The following UBE2F variants were observed in gnomAD, a reference collection of about 807,000 sequenced individuals.
UBE2F encodes the protein NEDD8-conjugating enzyme UBE2F.
UBE2F carries 5 observed loss-of-function variants against 29.6 expected under a neutral mutation model. The observed-to-expected ratio is 0.17, with a 90% CI of 0.09 to 0.36. UBE2F has a LOEUF of 0.36. Among genes scored for constraint, UBE2F ranks in the 10% least tolerant of loss-of-function variants. The pLI is 1.00. For synonymous variants in UBE2F, 66 were observed against 81.8 expected, an observed-to-expected ratio of 0.81 and a Z score of 1.04; for missense variants, 141 against 228.5, an observed-to-expected ratio of 0.62 and a Z score of 2.47.
At chr2:237,990,414 T>G (rs967856517) in intron 3 of UBE2F, 15 of 458,596 alleles carry the variant, frequency 3.3e-5, no homozygotes, top group Non-Finnish European at 6.2e-5. Context: ...TTTTTTTTTT[T>G]TTTTAATAGA....
intron 4 of UBE2F, among the ~76,000 whole-genome samples, chr2:238,006,960 T>C (rs1417409974): frequency 6.6e-6 from 1 of 152,138 alleles, no homozygotes; most frequent in Non-Finnish European, 1.5e-5. Context: ...TTCACCATGT[T>C]GGTCAGGCTG....
chr2:237,967,023 C>A lies in UBE2F; in HGVS notation c.-126C>A. On this transcript the variant is annotated 5_prime_UTR_variant, in exon 1 of 10. Transcript: ENST00000272930. The surrounding 1 kb of genome is among the most constrained non-coding windows in gnomAD (Gnocchi z 6.3). ...GAGTCCCCGCCCCGCCACTTCCGGT[C>A]CCGCCGCCGGGAGCCGGTGCGGCTG... 1 of 1,272,996 alleles carries A rather than the reference C, an allele frequency of 7.9e-7. No homozygotes were observed. The highest frequency in any genetic ancestry group is 2.2e-5 in the South Asian group (1 of 45,822). The allele number at this position is 1,272,996 out of a possible 1,614,324, so 78.9% of individuals were successfully genotyped here. A position where few individuals can be genotyped will look rare whatever the true frequency, so the allele number is the denominator to read the frequency against.
At chr2:238,036,009 T>C in intron 9 of UBE2F, 69 bp downstream of exon 9, 1 of 1,391,850 alleles carries the variant, frequency 7.2e-7, no homozygotes, top group Non-Finnish European at 1.0e-6. Context: ...TGTCTCTTGA[T>C]TGGATAAATG....
intron 6 of UBE2F, among the ~76,000 whole-genome samples, chr2:238,026,900 T>C (rs1333667437): frequency 2.0e-5 from 3 of 152,236 alleles, no homozygotes; most frequent in African/African-American, 2.4e-5. Flanking sequence ...ATCTGTCCTT[T>C]ACGTATTGAA....
intron 4 of UBE2F, among the ~76,000 whole-genome samples, chr2:238,005,343 C>A (rs912233928): frequency 1.3e-5 from 2 of 152,092 alleles, no homozygotes; most frequent in Admixed American, 1.3e-4. Flanking sequence ...ACCACAGGAA[C>A]ATGCTACCAC....
At chr2:237,998,096 G>T (rs1227435357) in intron 4 of UBE2F, among the ~76,000 whole-genome samples, 1 of 152,038 alleles carries the variant, frequency 6.6e-6, no homozygotes, top group Non-Finnish European at 1.5e-5. Context: ...AGGGAACATG[G>T]CTTTAAGTAA....
chr2:237,992,773 T>C (rs1232684621), intron 3 of UBE2F, among the ~76,000 whole-genome samples: 1 of 152,214 alleles, frequency 6.6e-6, no homozygotes. Context: ...ATTGAGGACG[T>C]TGGACTAGAT....
At chr2:238,026,154 C>T (rs527322673) in intron 6 of UBE2F, among the ~76,000 whole-genome samples, 16 of 152,340 alleles carry the variant, frequency 1.1e-4, no homozygotes, top group African/African-American at 3.6e-4. Context: ...TCGCCGCCCC[C>T]GCCCCCACCC....
At chr2:237,989,127 TG>T (rs1410834289) in intron 3 of UBE2F, among the ~76,000 whole-genome samples, 1 of 152,202 alleles carries the variant, frequency 6.6e-6, no homozygotes, top group Non-Finnish European at 1.5e-5. Flanking sequence ...AAATTAGTTC[TG>T]GGGCTGAGGA....
chr2:238,036,376 C>T (rs917864312), intron 9 of UBE2F, among the ~76,000 whole-genome samples: 2 of 152,050 alleles, frequency 1.3e-5, no homozygotes, highest in East Asian at 3.9e-4. Flanking sequence ...GATGGAGTCT[C>T]GCTTTGTTGC....
intron 2 of UBE2F, among the ~76,000 whole-genome samples, chr2:237,975,541 C>CT (rs1193335557): frequency 1.3e-5 from 2 of 152,212 alleles, no homozygotes; most frequent in Non-Finnish European, 2.9e-5. Context: ...CCTGAAGAAT[C>CT]TAACAGCAGA....
chr2:238,039,743 AGCATGGAGCCTGCTGCAG>A (rs1199881389), intron 9 of UBE2F, among the ~76,000 whole-genome samples: 1 of 152,140 alleles, frequency 6.6e-6, no homozygotes, highest in Non-Finnish European at 1.5e-5. Context: ...GGCCTGCTGG[AGCATGGAGCCTGCTGCAG>A]GCATGGACGC....
chr2:238,004,710 A>G (rs764372241), intron 4 of UBE2F, among the ~76,000 whole-genome samples: 10 of 152,148 alleles, frequency 6.6e-5, no homozygotes, highest in South Asian at 4.2e-4. Flanking sequence ...TAAGATTGCT[A>G]GTCATCTGAT....
At chr2:237,996,656 A>G (rs2063699023) in intron 4 of UBE2F, among the ~76,000 whole-genome samples, 1 of 152,000 alleles carries the variant, frequency 6.6e-6, no homozygotes, top group South Asian at 2.1e-4. Flanking sequence ...TTGTATTTTT[A>G]GTAGAGATGG....
intron 4 of UBE2F, among the ~76,000 whole-genome samples, chr2:238,011,563 A>G (rs973764388): frequency 7.2e-5 from 11 of 152,262 alleles, no homozygotes; most frequent in African/African-American, 2.4e-4. Flanking sequence ...CTCATCAACT[A>G]TTTGTGTAAT....
intron 4 of UBE2F, among the ~76,000 whole-genome samples, chr2:238,012,010 C>G (rs1310206601): frequency 1.3e-5 from 2 of 150,626 alleles, no homozygotes; most frequent in Admixed American, 6.6e-5. Flanking sequence ...TCCTAAGTAG[C>G]TGGGACTACA....
At chr2:237,972,485 C>T (rs1455578988) in intron 1 of UBE2F, among the ~76,000 whole-genome samples, 1 of 151,892 alleles carries the variant, frequency 6.6e-6, no homozygotes, top group African/African-American at 2.4e-5. Context: ...GTCACAACCA[C>T]ATCCCAGGAC....
intron 4 of UBE2F, among the ~76,000 whole-genome samples, chr2:238,011,055 C>A (rs1046760511): frequency 2.0e-5 from 3 of 152,294 alleles, no homozygotes; most frequent in African/African-American, 7.2e-5. Flanking sequence ...TACCATCTCT[C>A]ACCTGGATGA....
At chr2:237,992,832 A>C (rs779195905) in intron 3 of UBE2F, among the ~76,000 whole-genome samples, 1 of 152,176 alleles carries the variant, frequency 6.6e-6, no homozygotes, top group Non-Finnish European at 1.5e-5. Flanking sequence ...CCTGTTTTCG[A>C]TAAAAATTTT....
Sources: gnomAD v4.1 joint callset for allele counts (sites outside exome capture counted in the v4.1 genomes callset) on GRCh38, gnomAD v4.1.1 for gene constraint, Gnocchi (gnomAD v3.1) non-coding constraint, MANE v1.5 for transcripts, NCBI Gene and HGNC (gene_info 2026-07-23, HGNC 2026-07-21) for gene names.